Variants in EIF3M observed in about 807,000 individuals in gnomAD.
The protein encoded by EIF3M is B5 receptor.
In EIF3M, 25 loss-of-function variants were observed where a neutral mutation model predicts 49.7. The ratio of observed to expected loss-of-function variants is 0.50; its 90% CI spans 0.37 to 0.70. The LOEUF (loss-of-function observed/expected upper bound fraction) is 0.70. EIF3M is among the 30% of genes least tolerant of loss of function. The pLI is 0.00. For missense variants in EIF3M, 350 were observed against 440.0 expected, an observed-to-expected ratio of 0.80 and a Z score of 1.83; for synonymous variants, 156 against 149.8, an observed-to-expected ratio of 1.04 and a Z score of -0.30.
At chr11:32,591,429 T>G (rs1855101403) in intron 5 of EIF3M, among the ~76,000 whole-genome samples, 1 of 152,216 alleles carries the variant, frequency 6.6e-6, no homozygotes, top group Non-Finnish European at 1.5e-5. Context: ...ATTCCTTAGT[T>G]TTTTATTCCT....
chr11:32,588,907 T>C (rs1590514722), intron 3 of EIF3M, 105 bp from the exon 4 acceptor site: 3 of 1,537,940 alleles, frequency 2.0e-6, no homozygotes, highest in Non-Finnish European at 2.6e-6. Flanking sequence ...CTTTGTAATA[T>C]GAAGTTGTTA....
chr11:32,589,195 A>C, intron 4 of EIF3M, 60 bp downstream of exon 4: 1 of 1,541,804 alleles, frequency 6.5e-7, no homozygotes, highest in Non-Finnish European at 8.8e-7. Context: ...TTTTTTTTTG[A>C]GACGGAGTTT....
At chr11:32,587,325 G>A (rs568977261) in intron 2 of EIF3M, among the ~76,000 whole-genome samples, 181 bp downstream of exon 2, 1 of 152,276 alleles carries the variant, frequency 6.6e-6, no homozygotes, top group East Asian at 1.9e-4. Context: ...GATAGGTAGT[G>A]GTTGTATGTA....
At chr11:32,586,716 C>T (rs1419335042) in intron 1 of EIF3M, among the ~76,000 whole-genome samples, 7 of 152,136 alleles carry the variant, frequency 4.6e-5, no homozygotes, top group African/African-American at 2.4e-5. Context: ...GTTATATTAT[C>T]AAAAAGATTT....
At chr11:32,592,554 G>A (rs1219963428) in intron 5 of EIF3M, 8 of 542,890 alleles carry the variant, frequency 1.5e-5, no homozygotes, top group Non-Finnish European at 2.5e-5. Context: ...GTGTGGTTGA[G>A]CACACATTGC....
rs763965988 is a variant in EIF3M at position 32,589,500 on chromosome 11, A to C, written c.439-47A>C. ...CCAGAAATGTACTTTTATATGTTAT[A>C]CTTTATATGTGTTACTCAGTTTTCT... On this transcript the variant is annotated intron_variant, in intron 4 of 10. Coordinates refer to ENST00000531120, the MANE Select transcript of EIF3M (RefSeq NM_006360.6). The C allele has an allele frequency of 3.9e-6, 6 of 1,544,176 alleles. No homozygotes were observed. The South Asian group carries it at 6.7e-5, about 17-fold the overall frequency.
chr11:32,598,004 G>C (rs1855205600), intron 8 of EIF3M, among the ~76,000 whole-genome samples: 1 of 152,190 alleles, frequency 6.6e-6, no homozygotes, highest in African/African-American at 2.4e-5. Flanking sequence ...AATACACCAA[G>C]ATAAAGTAGA....
chr11:32,600,437 T>G (rs116909666), intron 8 of EIF3M, among the ~76,000 whole-genome samples: 1 of 152,024 alleles, frequency 6.6e-6, no homozygotes, highest in East Asian at 1.9e-4. Context: ...AAATAATCAT[T>G]TTATGGCCGA....
rs1252534540 is a variant in EIF3M, at chr11:32,604,572, G to T, written c.*2173G>T. On this transcript the variant is annotated 3_prime_UTR_variant, in exon 11 of 11. Coordinates refer to ENST00000531120, the MANE Select transcript of EIF3M (RefSeq NM_006360.6). ...TAAATACTGGGGTCATATTTTTATTGGTTTATATGCTATGTTAAACATTTT... is the reference window on the plus strand; with the variant it reads ...TAAATACTGGGGTCATATTTTTATTTGTTTATATGCTATGTTAAACATTTT... 6.6e-6 allele frequency: 1 copy of T among 151,984 alleles called. No individual in the cohort carries two copies. The highest frequency in any genetic ancestry group is 1.5e-5 in the Non-Finnish European group (1 of 67,986). The allele number at this position is 151,984 out of a possible 1,614,324, so 9.4% of individuals were successfully genotyped here.
Position 32,601,781 on chromosome 11 carries a change from C to G in EIF3M, c.963C>G (p.Val321=). Residue 321 remains valine, a synonymous_variant, in exon 10 of 11, where the codon GTC becomes GTG. Coordinates refer to ENST00000531120, the MANE Select transcript of EIF3M (RefSeq NM_006360.6). The part of the protein sequence containing the change: ...FVIDAVRTKM[V]YCKIDQTQRK... ...TTTCAGCCGTAAGAACTAAAATGGT[C>G]TACTGCAAAATTGATCAGACCCAGA... The G allele has an allele frequency of 6.2e-7, 1 of 1,612,554 alleles. No homozygotes were observed. The highest frequency in any genetic ancestry group is 8.5e-7 in the Non-Finnish European group (1 of 1,179,062).
chr11:32,586,472 C>G (rs539373919), intron 1 of EIF3M, among the ~76,000 whole-genome samples: 1 of 152,270 alleles, frequency 6.6e-6, no homozygotes, highest in African/African-American at 2.4e-5. Context: ...AATTTTAAGG[C>G]AGCATTCACC....
intron 8 of EIF3M, among the ~76,000 whole-genome samples, chr11:32,599,814 C>T (rs1855233790): frequency 1.3e-5 from 2 of 151,790 alleles, no homozygotes; most frequent in South Asian, 4.1e-4. Context: ...TATTCTAGGC[C>T]TAGCACTGCT....
chr11:32,601,907 TG>T, intron 10 of EIF3M, 85 bp downstream of exon 10: 1 of 1,417,274 alleles, frequency 7.1e-7, no homozygotes, highest in Non-Finnish European at 9.8e-7. Flanking sequence ...AGAACCAAGG[TG>T]GTGTTATCAC....
At position 32,593,962 on chromosome 11, in the gene EIF3M, G is replaced by T; in HGVS notation, c.617+13G>T. ...TTGATGCCCACAGGTAATGTTAAAC[G>T]TTACTCTGATGAGGGTTTGACAGCG... On this transcript the variant is annotated intron_variant, in intron 6 of 10. Coordinates refer to ENST00000531120, the MANE Select transcript of EIF3M (RefSeq NM_006360.6). 2.0e-6 allele frequency: 3 copies of T among 1,492,668 alleles called. No individual in the cohort carries two copies. Among genetic ancestry groups the T allele is most frequent in the Non-Finnish European group, 2.7e-6 (3 of 1,116,686 alleles). 92.5% of individuals were successfully genotyped at this position (1,492,668 alleles called of 1,614,324 possible).
rs760674453 is a variant in EIF3M, at chr11:32,589,585, A to G, written c.477A>G (p.Glu159=). Residue 159 remains glutamate, a synonymous_variant, in exon 5 of 11, where the codon GAA becomes GAG. Coordinates refer to ENST00000531120, the MANE Select transcript of EIF3M (RefSeq NM_006360.6). ...TTTCTGACTGGAATCTCACCACTGA[A>G]AAAAAGCACACCCTTTTAAGACTAC... ...KWISDWNLTT[E]KKHTLLRLLY... 1 of 1,614,206 alleles carries G rather than the reference A, an allele frequency of 6.2e-7. No individual in the cohort carries two copies. Among genetic ancestry groups the G allele is most frequent in the Non-Finnish European group, 8.5e-7 (1 of 1,180,040 alleles).
chr11:32,584,240 C>G, intron 1 of EIF3M: 5 of 408,496 alleles, frequency 1.2e-5, no homozygotes, highest in Non-Finnish European at 2.2e-5. Flanking sequence ...TCAAATGCAG[C>G]CACATTCGGA....
At chr11:32,601,901 C>T in intron 10 of EIF3M, 79 bp downstream of exon 10, 1 of 1,465,260 alleles carries the variant, frequency 6.8e-7, no homozygotes, top group Non-Finnish European at 9.4e-7. Context: ...GTTTAGAGAA[C>T]CAAGGTGGTG....
At chr11:32,597,551 ATGTT>A (rs1422259349) in intron 8 of EIF3M, among the ~76,000 whole-genome samples, 17 of 152,200 alleles carry the variant, frequency 1.1e-4, no homozygotes, top group African/African-American at 3.1e-4. Context: ...AGTTCAGTAA[ATGTT>A]TGTCAAATTG....
intron 1 of EIF3M, among the ~76,000 whole-genome samples, chr11:32,585,085 CCT>C (rs1286679113): frequency 6.6e-6 from 1 of 152,034 alleles, no homozygotes; most frequent in Non-Finnish European, 1.5e-5. Flanking sequence ...GTGAGTTCCC[CCT>C]CTCTCCTCCC....
Sources: allele counts gnomAD v4.1 joint callset (sites outside exome capture counted in the v4.1 genomes callset), GRCh38; gene constraint gnomAD v4.1.1; transcripts MANE v1.5; gene names NCBI Gene and HGNC (gene_info 2026-07-23, HGNC 2026-07-21).